The following ADSL variants were observed in gnomAD, a reference collection of about 807,000 sequenced individuals.
ADSL encodes the protein adenylosuccinase.
Under a neutral mutation model 62.1 loss-of-function variants are expected in ADSL, and 44 were observed. The ratio of observed to expected loss-of-function variants is 0.71; its 90% CI spans 0.56 to 0.91. The LOEUF (loss-of-function observed/expected upper bound fraction) is 0.91, where lower values mean the gene tolerates loss of function less well. ADSL is among the 40% of genes least tolerant of loss of function. The pLI is 0.00. For synonymous variants in ADSL, 198 were observed against 220.5 expected (o/e 0.90, Z 0.90); for missense variants, 531 against 627.4 (o/e 0.85, Z 1.64).
downstream of ADSL, chr22:40,373,288 T>G (rs1366688457): frequency 6.6e-6 from 1 of 152,232 alleles, no homozygotes; most frequent in Non-Finnish European, 1.5e-5. Flanking sequence ...ATATGAAACT[T>G]TCCTGTGATC....
At chr22:40,378,456 C>T (rs967398695) in intron 2 of ADSL, among the ~76,000 whole-genome samples, 2 of 150,822 alleles carry the variant, frequency 1.3e-5, no homozygotes, top group African/African-American at 2.4e-5. Context: ...TGGCCGGGCA[C>T]GGTGGCTGAT....
At chr22:40,351,619 T>C (rs956082376) in intron 2 of ADSL, among the ~76,000 whole-genome samples, 5 of 152,132 alleles carry the variant, frequency 3.3e-5, no homozygotes, top group African/African-American at 1.2e-4. Flanking sequence ...GCTTGTGCTC[T>C]TAATCAGAGT....
intron 6 of ADSL, 90 bp downstream of exon 6, chr22:40,359,396 C>T (rs1413058398): frequency 7.8e-7 from 1 of 1,285,788 alleles, no homozygotes; most frequent in African/African-American, 1.5e-5. Flanking sequence ...ACAATTTTTG[C>T]CTTTTTCTTC....
At chr22:40,364,534 T>C in intron 11 of ADSL, 169 bp downstream of exon 11, 1 of 725,400 alleles carries the variant, frequency 1.4e-6, no homozygotes, top group South Asian at 1.5e-5. Flanking sequence ...TTTGGTGAAC[T>C]GAATTTGTTA....
chr22:40,378,673 C>T (rs571049215), intron 2 of ADSL, among the ~76,000 whole-genome samples: 28 of 150,796 alleles, frequency 1.9e-4, no homozygotes, highest in Middle Eastern at 3.5e-3. Flanking sequence ...TTGCAGTGAG[C>T]TGAGATCACA....
At chr22:40,347,219 G>T (rs959652026) in intron 1 of ADSL, 11 of 159,230 alleles carry the variant, frequency 6.9e-5, no homozygotes, top group Non-Finnish European at 1.4e-4. Context: ...GCACTCCAGA[G>T]CCTGAGCTGA....
At chr22:40,374,110 G>A (rs1014012073), downstream of ADSL, among the ~76,000 whole-genome samples, 1 of 151,770 alleles carries the variant, frequency 6.6e-6, no homozygotes, top group Non-Finnish European at 1.5e-5. Flanking sequence ...CTGCCACCAT[G>A]CCCGGCTAAT....
chr22:40,366,582 C>CT lies in ADSL; in HGVS notation c.*61dup. On this transcript the variant is annotated 3_prime_UTR_variant, in exon 13 of 13. Transcript: ENST00000623063. ...TTGCTGAGGCATGAAAATTGTGTTA[C>CT]TATAATGCCTTATTTTACCTCGAGA... The CT allele has an allele frequency of 8.1e-7, 1 of 1,228,380 alleles. No individual in the cohort carries two copies. The highest frequency in any genetic ancestry group is 2.3e-5 in the East Asian group (1 of 42,742). 76.1% of individuals were successfully genotyped at this position (1,228,380 alleles called of 1,614,324 possible). A position where few individuals can be genotyped will look rare whatever the true frequency, so the allele number is the denominator to read the frequency against.
At chr22:40,351,074 A>G (rs2044326656) in intron 2 of ADSL, among the ~76,000 whole-genome samples, 1 of 152,170 alleles carries the variant, frequency 6.6e-6, no homozygotes, top group South Asian at 2.1e-4. Flanking sequence ...GGCTCACTGC[A>G]GCCTTGACCT....
chr22:40,375,800 G>C (rs1413635191), intron 2 of ADSL, among the ~76,000 whole-genome samples: 1 of 151,960 alleles, frequency 6.6e-6, no homozygotes, highest in Non-Finnish European at 1.5e-5. Flanking sequence ...CACTTTGGGA[G>C]GCTGAGGTGG....
At position 40,359,247 on chromosome 22, in the gene ADSL, T is replaced by A. The variant is rs754771022; in HGVS notation, c.655-13T>A. On this transcript the variant is annotated splice_polypyrimidine_tract_variant and intron_variant, in intron 5 of 12. Coordinates refer to ENST00000623063, the MANE Select transcript of ADSL (RefSeq NM_000026.4). Reference sequence around the variant, plus strand: ...ACATGGATTATTATAAGGATGTGTCTTTTCTTTCCAAGGTAGAGCAGCTTG... The same window carrying A: ...ACATGGATTATTATAAGGATGTGTCATTTCTTTCCAAGGTAGAGCAGCTTG... 1 of 1,614,074 alleles carries A rather than the reference T, an allele frequency of 6.2e-7. No homozygotes were observed. Among genetic ancestry groups the A allele is most frequent in the South Asian group, 1.1e-5 (1 of 91,082 alleles).
chr22:40,386,804 CT>C (rs1234773607), intron 2 of ADSL, among the ~76,000 whole-genome samples: 1 of 151,898 alleles, frequency 6.6e-6, no homozygotes, highest in Non-Finnish European at 1.5e-5. Context: ...GTGTGAGTCC[CT>C]TTGCCCTGCA....
chr22:40,346,757 GC>G, intron 1 of ADSL, 46 bp downstream of exon 1: 2 of 1,549,806 alleles, frequency 1.3e-6, no homozygotes, highest in Non-Finnish European at 8.7e-7. Context: ...GGACGGGCCC[GC>G]CCCAGCACGT....
rs2044905274 is a variant in ADSL, at chr22:40,364,172, G to T, written c.1102-104G>T. On this transcript the variant is annotated intron_variant, in intron 10 of 12. Transcript: ENST00000623063. ...AACAACTTGTTACTCTCCATAATGT[G>T]GTAGTTAGTGTCTGTGCTGTGCATT... is the stretch of plus-strand genomic sequence containing the variant. The T allele has an allele frequency of 6.1e-6, 5 of 824,684 alleles. No individual in the cohort carries two copies. The Admixed American group carries it at 9.9e-5, about 16-fold the overall frequency. 51.1% of individuals were successfully genotyped at this position (824,684 alleles called of 1,614,324 possible). A position where few individuals can be genotyped will look rare whatever the true frequency, so the allele number is the denominator to read the frequency against.
chr22:40,355,269 A>G (rs1413152848), intron 4 of ADSL, among the ~76,000 whole-genome samples: 1 of 152,010 alleles, frequency 6.6e-6, no homozygotes, highest in East Asian at 1.9e-4. Context: ...CAGCCTTCCT[A>G]GTAGCTGGGA....
chr22:40,385,303 A>C (rs188878326), intron 2 of ADSL, among the ~76,000 whole-genome samples: 20 of 152,342 alleles, frequency 1.3e-4, no homozygotes. Context: ...GCAGTGAGGC[A>C]GAGGGATAAG....
intron 1 of ADSL, chr22:40,348,954 T>G (rs569423276): frequency 1.0e-5 from 2 of 194,646 alleles, no homozygotes; most frequent in African/African-American, 2.3e-5. Flanking sequence ...GTTTATTTTC[T>G]CATCAATATC....
chr22:40,350,503 CTG>C lies in ADSL; in HGVS notation c.357+470_357+471del, dbSNP rs544454905. Among the ~76,000 whole-genome samples, 23 of 152,262 alleles carry C rather than the reference CTG, an allele frequency of 1.5e-4. No individual in the cohort carries two copies. In the South Asian group the frequency reaches 4.8e-3, roughly 32 times the overall value. ...GCTTTTAGTGTGCTTCCAATCTAAA[CTG>C]TAAGCACCAAATGACCTCTATAAAA... On this transcript the variant is annotated intron_variant, in intron 2 of 12. Transcript: ENST00000623063.
intron 2 of ADSL, among the ~76,000 whole-genome samples, chr22:40,381,895 G>A: frequency 6.6e-6 from 1 of 152,202 alleles, no homozygotes; most frequent in East Asian, 1.9e-4. Context: ...GGAGGCAGAA[G>A]TTGCAGTGAG....
Sources: gnomAD v4.1 joint callset for allele counts (sites outside exome capture counted in the v4.1 genomes callset) on GRCh38, gnomAD v4.1.1 for gene constraint, MANE v1.5 for transcripts, NCBI Gene and HGNC (gene_info 2026-07-23, HGNC 2026-07-21) for gene names.